PREX1: variants seen among roughly 807,000 people sequenced by gnomAD.
The protein encoded by PREX1 is phosphatidylinositol-3,4,5-trisphosphate dependent Rac exchange factor 1, also known as phosphatidylinositol 3,4,5-trisphosphate-dependent Rac exchanger 1 protein.
In PREX1, 41 loss-of-function variants were observed where a neutral mutation model predicts 198.3. The observed-to-expected ratio is 0.21, with a 90% CI of 0.16 to 0.27. The LOEUF is 0.27. PREX1 is among the 10% of genes least tolerant of loss of function. PREX1 has a pLI of 1.00. For synonymous variants in PREX1, 843 were observed against 887.2 expected, an observed-to-expected ratio of 0.95 and a Z score of 0.89; for missense variants, 1,620 against 2,200.7, an observed-to-expected ratio of 0.74 and a Z score of 5.28.
upstream of PREX1, among the ~76,000 whole-genome samples, chr20:48,831,190 A>G (rs1220761052): frequency 1.3e-5 from 2 of 152,212 alleles, no homozygotes; most frequent in Non-Finnish European, 2.9e-5. Context: ...AAGTACGAAG[A>G]AGACTCTGTC....
intron 1 of PREX1, 90 bp from the exon 2 acceptor site, chr20:48,747,970 A>C (rs2090117049): frequency 8.2e-7 from 1 of 1,214,624 alleles, no homozygotes. Flanking sequence ...TCAAATGCCA[A>C]CTAGGATCTG....
intron 3 of PREX1, among the ~76,000 whole-genome samples, chr20:48,743,196 C>T (rs1421778437): frequency 6.6e-6 from 1 of 152,200 alleles, no homozygotes; most frequent in Non-Finnish European, 1.5e-5. Flanking sequence ...CCCAAGGTCA[C>T]TGGGCTGGCG....
the PREX1 span, among the ~76,000 whole-genome samples, chr20:48,884,686 C>T: frequency 6.6e-6 from 1 of 152,184 alleles, no homozygotes; most frequent in Non-Finnish European, 1.5e-5. Flanking sequence ...CAGAATTAAA[C>T]ACTTGTGTTT....
At chr20:48,671,505 C>T (rs2089675089) in intron 14 of PREX1, among the ~76,000 whole-genome samples, 1 of 152,224 alleles carries the variant, frequency 6.6e-6, no homozygotes, top group South Asian at 2.1e-4. Flanking sequence ...CTGTTATGTG[C>T]AGCCAAACGC....
chr20:48,675,249 C>T (rs2122998408), intron 14 of PREX1, among the ~76,000 whole-genome samples: 1 of 152,312 alleles, frequency 6.6e-6, no homozygotes, highest in South Asian at 2.1e-4. Context: ...GAGGACACAG[C>T]AGCAAGGCAG....
chr20:48,685,578 G>A (rs2089779174), intron 10 of PREX1, among the ~76,000 whole-genome samples: 1 of 152,216 alleles, frequency 6.6e-6, no homozygotes. Flanking sequence ...GCTAGAAAGT[G>A]AGGGAACCAA....
chr20:48,721,545 A>G (rs2089985533), intron 5 of PREX1, among the ~76,000 whole-genome samples: 1 of 152,254 alleles, frequency 6.6e-6, no homozygotes, highest in African/African-American at 2.4e-5. Flanking sequence ...TCAGGAAGCA[A>G]GCCTGGCTGA....
intron 9 of PREX1, among the ~76,000 whole-genome samples, chr20:48,689,554 T>G (rs2089805839): frequency 2.0e-5 from 3 of 152,024 alleles, no homozygotes; most frequent in Admixed American, 2.0e-4. Flanking sequence ...TTCTAACAAC[T>G]AAGACCCACT....
At chr20:48,882,193 T>C in the PREX1 span, among the ~76,000 whole-genome samples, 1 of 152,156 alleles carries the variant, frequency 6.6e-6, no homozygotes, top group African/African-American at 2.4e-5. Flanking sequence ...TGGGGTATTA[T>C]GAATTATGTT....
chr20:48,872,905 T>C, the PREX1 span, among the ~76,000 whole-genome samples: 3 of 152,222 alleles, frequency 2.0e-5, no homozygotes, highest in African/African-American at 7.2e-5. Context: ...AAGTAACATT[T>C]ACTCAACAGC....
the PREX1 span, among the ~76,000 whole-genome samples, chr20:48,888,114 G>A: frequency 6.6e-6 from 1 of 152,186 alleles, no homozygotes; most frequent in East Asian, 1.9e-4. Context: ...CCACATGTCT[G>A]GGGAATTTCT....
chr20:48,626,519 G>A (rs775496629), intron 39 of PREX1, among the ~76,000 whole-genome samples: 14 of 152,230 alleles, frequency 9.2e-5, no homozygotes, highest in Non-Finnish European at 1.9e-4. Flanking sequence ...GATGACAGCC[G>A]GACTTGGCTC....
Position 48,799,756 on chromosome 20 carries a change from C to A in PREX1, c.219+27886G>T, listed in dbSNP as rs2090378454. 1.3e-5 allele frequency among the ~76,000 whole-genome samples: 2 copies of A among 152,164 alleles called. 1 individual carries two copies. Among genetic ancestry groups the A allele is most frequent in the African/African-American group, 4.8e-5 (2 of 41,436 alleles). ...GTCCCCCCACAACAGGGCAGAGGGGCCAGCTGGGTTGAAACCCAAGAAGAA... is the reference window on the plus strand; with the variant it reads ...GTCCCCCCACAACAGGGCAGAGGGGACAGCTGGGTTGAAACCCAAGAAGAA... On this transcript the variant is annotated intron_variant, in intron 1 of 39. Coordinates refer to ENST00000371941, the MANE Select transcript of PREX1 (RefSeq NM_020820.4).
chr20:48,770,314 G>A (rs2090229448), intron 1 of PREX1, among the ~76,000 whole-genome samples: 1 of 152,190 alleles, frequency 6.6e-6, no homozygotes, highest in Non-Finnish European at 1.5e-5. Context: ...AGATAACCCT[G>A]AAGGGCTCCA....
At chr20:48,879,408 AT>A in the PREX1 span, among the ~76,000 whole-genome samples, 2,044 of 152,330 alleles carry the variant, frequency 0.013, 44 homozygotes, top group African/African-American at 0.047. Flanking sequence ...AAATACATTC[AT>A]AATAGTTGAT....
upstream of PREX1, among the ~76,000 whole-genome samples, chr20:48,832,826 C>G (rs965528831): frequency 1.3e-5 from 2 of 152,208 alleles, no homozygotes; most frequent in Admixed American, 1.3e-4. Flanking sequence ...CCAATTAAGT[C>G]AGGGCTCCAC....
At chr20:48,847,766 C>T in the PREX1 span, among the ~76,000 whole-genome samples, 4,276 of 152,162 alleles carry the variant, frequency 0.028, 214 homozygotes, top group African/African-American at 0.098. Context: ...GAACATTCCC[C>T]TCACCCCAGA....
intron 1 of PREX1, among the ~76,000 whole-genome samples, chr20:48,824,609 T>C (rs972898374): frequency 2.6e-5 from 4 of 152,232 alleles, no homozygotes; most frequent in African/African-American, 9.6e-5. Context: ...TCAATTTCTA[T>C]AACTCACTTA....
chr20:48,805,106 C>T (rs1467160913), intron 1 of PREX1, among the ~76,000 whole-genome samples: 1 of 152,242 alleles, frequency 6.6e-6, no homozygotes, highest in Non-Finnish European at 1.5e-5. Flanking sequence ...TCCCCATCTC[C>T]TTACCACCGG....
Sources: allele counts gnomAD v4.1 joint callset (sites outside exome capture counted in the v4.1 genomes callset), GRCh38; gene constraint gnomAD v4.1.1; transcripts MANE v1.5; gene names NCBI Gene and HGNC (gene_info 2026-07-23, HGNC 2026-07-21).